Variants in HDAC6 observed in about 807,000 individuals in gnomAD.
HDAC6 encodes the protein protein deacetylase HDAC6.
In HDAC6, 5 loss-of-function variants were observed where a neutral mutation model predicts 88.9. That is an observed-to-expected ratio of 0.06 (90% CI 0.03 to 0.12). The LOEUF is 0.12. HDAC6 is among the 10% of genes least tolerant of loss of function. The pLI, the probability that HDAC6 is intolerant of heterozygous loss-of-function variation, is 1.00. For synonymous variants in HDAC6, 378 were observed against 398.0 expected (o/e 0.95, Z 0.60); for missense variants, 706 against 1,014.4 (o/e 0.70, Z 4.13).
rs1569503890 is a variant in HDAC6 at position 48,815,042 on chromosome X, G to T, written c.1140G>T (p.Leu380=). The T allele has an allele frequency of 1.7e-6, 2 of 1,192,050 alleles. No individual in the cohort carries two copies. Among genetic ancestry groups the T allele is most frequent in the Non-Finnish European group, 2.3e-6 (2 of 883,263 alleles). ...GTCTGGCAGGAGGCAAGCTGATCCT[G>T]TCTCTGGAGGTGAGTGACTCACCTT... ...LMGLAGGKLI[L]SLEGGYNLRA... The change falls in exon 14 of 29, where the codon CTG becomes CTT. Residue 380 remains leucine (L), a synonymous_variant. Coordinates refer to ENST00000334136, the MANE Select transcript of HDAC6 (RefSeq NM_006044.4).
chrX:48,814,619 G>T lies in HDAC6; in HGVS notation c.933+53G>T. 2.5e-6 allele frequency: 3 copies of T among 1,206,981 alleles called. No homozygotes were observed. In the Middle Eastern group the frequency reaches 6.9e-4, roughly 279 times the overall value. ...AAGTGAGGCCCAGCCCCGCCCTTCT[G>T]TCAGCGGCTCGGGACAGGTGGCTGA... On this transcript the variant is annotated intron_variant, in intron 11 of 28. Transcript: ENST00000334136.
At chrX:48,811,951 G>A (rs1345953982) in intron 10 of HDAC6, among the ~76,000 whole-genome samples, 1 of 111,840 alleles carries the variant, frequency 8.9e-6, no homozygotes, top group Non-Finnish European at 1.9e-5. Context: ...GCTAATCCCA[G>A]ATACCATATA....
At chrX:48,812,329 G>T in intron 10 of HDAC6, among the ~76,000 whole-genome samples, 1 of 112,844 alleles carries the variant, frequency 8.9e-6, no homozygotes, top group East Asian at 2.7e-4. Flanking sequence ...AACTCCAGCA[G>T]CAGGGAGACA....
chrX:48,824,107 C>T (rs782336249), intron 27 of HDAC6, 39 bp downstream of exon 27: 28 of 1,202,942 alleles, frequency 2.3e-5, no homozygotes, highest in South Asian at 3.6e-5. Flanking sequence ...GAGGTTGGCC[C>T]GGGAGCAAAC....
chrX:48,810,591 ATTATTTATTTAT>A (rs782322706), intron 10 of HDAC6: 12 of 107,879 alleles, frequency 1.1e-4, no homozygotes, highest in East Asian at 5.7e-4. Context: ...TCTCTTTTTT[ATTATTTATTTAT>A]TTATTTATTT....
At chrX:48,815,218 C>T (rs2062963773) in intron 14 of HDAC6, 166 bp from the exon 15 acceptor site, 2 of 563,140 alleles carry the variant, frequency 3.6e-6, no homozygotes, top group Non-Finnish European at 6.0e-6. Flanking sequence ...ATAAAACGAG[C>T]ATAATGTAAT....
intron 23 of HDAC6, among the ~76,000 whole-genome samples, chrX:48,820,825 TTTGTTG>T (rs374985832): frequency 4.5e-5 from 5 of 110,871 alleles, no homozygotes; most frequent in South Asian, 3.8e-4. Context: ...GATCTGGTTT[TTTGTTG>T]TTGTTGTTGT....
intron 10 of HDAC6, among the ~76,000 whole-genome samples, chrX:48,811,250 G>A (rs901934792): frequency 8.9e-6 from 1 of 112,333 alleles, no homozygotes; most frequent in Non-Finnish European, 1.9e-5. Flanking sequence ...GTTGCAGTGA[G>A]ACAAGATCAT....
rs782024099 is a variant in HDAC6, at chrX:48,823,098, C to T, written c.2699C>T (p.Thr900Ile). The change falls in exon 25 of 29, where the codon ACA becomes ATA. Residue 900 changes from threonine to isoleucine, a missense_variant. By Grantham distance (89) the Thr-to-Ile change is moderately conservative. Coordinates refer to ENST00000334136, the MANE Select transcript of HDAC6 (RefSeq NM_006044.4). ...ESTPGQTNSETAVVALTQDQP... is the reference protein window; with the variant it reads ...ESTPGQTNSEIAVVALTQDQP... ...ACTCCAGGCCAGACTAACTCAGAGA[C>T]AGCTGTGGTGGCCCTCACTCAGGAC... is the stretch of plus-strand genomic sequence containing the variant. 9.1e-6 allele frequency: 11 copies of T among 1,211,090 alleles called. No homozygotes were observed. The East Asian group carries it at 1.8e-4, about 20-fold the overall frequency.
At chrX:48,819,119 A>G (rs1557028794) in intron 22 of HDAC6, among the ~76,000 whole-genome samples, 1 of 112,228 alleles carries the variant, frequency 8.9e-6, no homozygotes, top group African/African-American at 3.2e-5. Context: ...TGTGTGTACA[A>G]CTGTATGTGC....
chrX:48,802,021 G>A (rs782564776), upstream of HDAC6: 1 of 942,842 alleles, frequency 1.1e-6, no homozygotes, highest in East Asian at 7.9e-5. Context: ...TGGCTGAAGA[G>A]GGTTAGCGAA....
intron 5 of HDAC6, 28 bp from the exon 6 acceptor site, chrX:48,805,603 C>T: frequency 8.4e-7 from 1 of 1,188,471 alleles, no homozygotes; most frequent in Non-Finnish European, 1.1e-6. Flanking sequence ...TAACCCTTTA[C>T]CCCACTTTAT....
upstream of HDAC6, chrX:48,801,769 G>T: frequency 1.2e-6 from 1 of 825,368 alleles, no homozygotes; most frequent in African/African-American, 2.1e-5. Flanking sequence ...TCGCGCGAGG[G>T]GCGCGGCCTT....
Position 48,823,707 on chromosome X carries a change from C to G in HDAC6, c.3225C>G (p.Asn1075Lys). ...ASESQAPGEENLLGEAAGGQD... is the reference protein window; with the variant it reads ...ASESQAPGEEKLLGEAAGGQD... ...AATCTCAGGCCCCAGGAGAGGAGAACCTACTAGGAGAGGCAGCTGGAGGTC... is the reference window on the plus strand; with the variant it reads ...AATCTCAGGCCCCAGGAGAGGAGAAGCTACTAGGAGAGGCAGCTGGAGGTC... Residue 1075 changes from asparagine (N) to lysine (K), a missense_variant, in exon 26 of 29, where the codon AAC becomes AAG. Asn to Lys is a moderately conservative substitution (Grantham distance 94). Coordinates refer to ENST00000334136, the MANE Select transcript of HDAC6 (RefSeq NM_006044.4). 8.3e-7 allele frequency: 1 copy of G among 1,209,723 alleles called. No homozygotes were observed. The highest frequency in any genetic ancestry group is 1.1e-6 in the Non-Finnish European group (1 of 894,197).
In HDAC6 at chrX:48,814,992, G is replaced by A. The variant is rs374583816; in HGVS notation, c.1090G>A (p.Ala364Thr). The change falls in exon 14 of 29, where the codon GCC becomes ACC. Residue 364 changes from alanine to threonine, a missense_variant. Ala to Thr is a moderately conservative substitution (Grantham distance 58). Coordinates refer to ENST00000334136, the MANE Select transcript of HDAC6 (RefSeq NM_006044.4). ...GEMAATPAGF[A>T]QLTHLLMGLA... is the part of the protein sequence containing the mutation. ...GATGGCCGCCACTCCGGCAGGGTTC[G>A]CCCAGCTAACCCACCTGCTCATGGG... 1.9e-5 allele frequency: 23 copies of A among 1,208,662 alleles called. No homozygotes were observed. The highest frequency in any genetic ancestry group is 2.6e-5 in the Non-Finnish European group (23 of 894,064).
chrX:48,816,068 G>C lies in HDAC6; in HGVS notation c.1493+16G>C, dbSNP rs782302395. 2 of 1,208,990 alleles carry C rather than the reference G, an allele frequency of 1.7e-6. No individual in the cohort carries two copies. Among genetic ancestry groups the C allele is most frequent in the Non-Finnish European group, 2.2e-6 (2 of 894,261 alleles). On this transcript the variant is annotated intron_variant, in intron 17 of 28. Coordinates refer to ENST00000334136, the MANE Select transcript of HDAC6 (RefSeq NM_006044.4). Reference sequence around the variant, plus strand: ...TGTGGGACAGGTAGGCATTTGGAGGGCTGGATGAGTAGGTGTTGGGGGTCC... The same window carrying C: ...TGTGGGACAGGTAGGCATTTGGAGGCCTGGATGAGTAGGTGTTGGGGGTCC...
At chrX:48,811,597 A>C (rs1197446448) in intron 10 of HDAC6, among the ~76,000 whole-genome samples, 5 of 111,670 alleles carry the variant, frequency 4.5e-5, no homozygotes, top group African/African-American at 1.6e-4. Flanking sequence ...GTGGGCAAGG[A>C]CCCGGGCATT....
intron 10 of HDAC6, among the ~76,000 whole-genome samples, chrX:48,809,526 C>T (rs950359965): frequency 4.5e-5 from 5 of 111,227 alleles, no homozygotes; most frequent in East Asian, 2.8e-4. Context: ...ATTTTAGGGC[C>T]GGGTGAAGTA....
Position 48,816,475 on chromosome X carries a change from G to A in HDAC6, c.1633G>A (p.Val545Met). 19 of 1,203,843 alleles carry A rather than the reference G, an allele frequency of 1.6e-5. No individual in the cohort carries two copies. The highest frequency in any genetic ancestry group is 2.0e-5 in the Non-Finnish European group (18 of 891,196). Reference protein sequence around the residue: ...ELLTCHSAEYVGHLRATEKMK... With the variant: ...ELLTCHSAEYMGHLRATEKMK... ...TCTCTGTGCTTCCAGTGCTGAGTAC[G>A]TGGGTCATCTCCGGGCCACAGAGAA... Residue 545 changes from valine to methionine, a missense_variant, in exon 19 of 29, where the codon GTG (valine) becomes ATG (methionine). Physicochemically the swap from Val to Met is conservative, Grantham distance 21. Around this residue, in one of 9 missense-constraint regions of HDAC6, gnomAD observed 138 missense variants for 303.5 expected, o/e 0.45. Coordinates refer to ENST00000334136, the MANE Select transcript of HDAC6 (RefSeq NM_006044.4).
Sources: gnomAD v4.1 joint callset for allele counts (sites outside exome capture counted in the v4.1 genomes callset) on GRCh38, gnomAD v4.1.1 for gene constraint, gnomAD v4.1.1 regional missense constraint, MANE v1.5 for transcripts, NCBI Gene and HGNC (gene_info 2026-07-23, HGNC 2026-07-21) for gene names.